ARL3: variants seen among roughly 807,000 people sequenced by gnomAD.
ARL3 encodes ARF like GTPase 3, also known as ADP-ribosylation factor-like protein 3.
A neutral mutation model predicts 26.0 loss-of-function variants in ARL3; 9 were observed. The observed-to-expected ratio is 0.35, with a 90% CI of 0.21 to 0.60. The LOEUF is 0.60. Among genes scored for constraint, ARL3 ranks in the 20% least tolerant of loss-of-function variants. The probability of loss-of-function intolerance (pLI) is 0.78; values close to 1 mark genes in which losing one functional copy is unlikely to be tolerated. For synonymous variants in ARL3, 71 were observed against 78.4 expected, an observed-to-expected ratio of 0.91 and a Z score of 0.50; for missense variants, 158 against 215.7, an observed-to-expected ratio of 0.73 and a Z score of 1.67.
intron 3 of ARL3, among the ~76,000 whole-genome samples, chr10:102,693,957 G>A (rs764444059): frequency 4.9e-4 from 75 of 152,018 alleles, no homozygotes; most frequent in Non-Finnish European, 1.0e-3. Flanking sequence ...TTACAGACAT[G>A]AGCCACCAAA....
chr10:102,687,690 A>C (rs1009483711), intron 4 of ARL3, among the ~76,000 whole-genome samples: 3 of 151,526 alleles, frequency 2.0e-5, no homozygotes, highest in African/African-American at 7.3e-5. Context: ...TCTGCCTGGA[A>C]AAAAAAAATT....
chr10:102,682,967 C>T lies in ARL3; in HGVS notation c.501+2849G>A, dbSNP rs182405259. 6.0e-4 allele frequency among the ~76,000 whole-genome samples: 91 copies of T among 152,212 alleles called. 1 individual carries two copies. Among genetic ancestry groups the T allele is most frequent in the Non-Finnish European group, 1.0e-3 (70 of 68,018 alleles). On this transcript the variant is annotated intron_variant, in intron 5 of 5. Transcript: ENST00000260746. Reference sequence around the variant, plus strand: ...TTCAGTAATTATTGCACAGTTTTCACGTTTGAAAGTGAACCTCAAACCATT... The same window carrying T: ...TTCAGTAATTATTGCACAGTTTTCATGTTTGAAAGTGAACCTCAAACCATT...
At chr10:102,699,528 T>C (rs2064266882) in intron 2 of ARL3, 39 bp from the exon 3 acceptor site, 1 of 1,232,584 alleles carries the variant, frequency 8.1e-7, no homozygotes, top group East Asian at 2.3e-5. Flanking sequence ...TATTAAACTT[T>C]GGGATCATAA....
intron 3 of ARL3, among the ~76,000 whole-genome samples, chr10:102,695,367 T>C (rs1446840575): frequency 2.0e-5 from 3 of 152,170 alleles, no homozygotes; most frequent in African/African-American, 7.2e-5. Flanking sequence ...AAGTGTTTCA[T>C]TTTGGGGGTG....
At chr10:102,692,755 C>G (rs1340879411) in intron 3 of ARL3, among the ~76,000 whole-genome samples, 1 of 152,070 alleles carries the variant, frequency 6.6e-6, no homozygotes, top group Non-Finnish European at 1.5e-5. Context: ...GTCACCCAGG[C>G]TGGAGTGCAG....
chr10:102,710,317 G>C (rs2064331326), intron 1 of ARL3, among the ~76,000 whole-genome samples: 1 of 152,198 alleles, frequency 6.6e-6, no homozygotes, highest in Non-Finnish European at 1.5e-5. Context: ...ATCAGGGTTT[G>C]CTAAATAGGG....
chr10:102,694,440 T>A (rs992977587), intron 3 of ARL3, among the ~76,000 whole-genome samples: 24 of 152,216 alleles, frequency 1.6e-4, no homozygotes, highest in Non-Finnish European at 7.3e-5. Flanking sequence ...GGGTTTTACA[T>A]TTAGGTTTAA....
intron 2 of ARL3, among the ~76,000 whole-genome samples, chr10:102,702,502 CCTATA>C (rs1268826465): frequency 2.0e-5 from 3 of 152,030 alleles, no homozygotes; most frequent in Non-Finnish European, 2.9e-5. Flanking sequence ...ATCAGAGTTA[CCTATA>C]ACACATCAAA....
At chr10:102,700,309 C>T (rs373030943) in intron 2 of ARL3, among the ~76,000 whole-genome samples, 4 of 143,916 alleles carry the variant, frequency 2.8e-5, no homozygotes, top group South Asian at 2.2e-4. Context: ...CTCAGGATGC[C>T]GAGGCAAGAG....
chr10:102,678,181 G>C (rs2064139376), intron 5 of ARL3, among the ~76,000 whole-genome samples: 1 of 152,120 alleles, frequency 6.6e-6, no homozygotes, highest in Non-Finnish European at 1.5e-5. Flanking sequence ...TCTGACCTTT[G>C]CCAAGATGAG....
chr10:102,677,813 C>T (rs2064137679), intron 5 of ARL3, among the ~76,000 whole-genome samples: 1 of 152,132 alleles, frequency 6.6e-6, no homozygotes, highest in African/African-American at 2.4e-5. Flanking sequence ...GCAGCTGCTG[C>T]CATGAGTCCT....
intron 5 of ARL3, among the ~76,000 whole-genome samples, chr10:102,677,761 G>A (rs912181999): frequency 2.0e-5 from 3 of 152,128 alleles, no homozygotes; most frequent in Admixed American, 6.5e-5. Context: ...CAACCTTCAA[G>A]AGTGTGTGGA....
chr10:102,707,038 T>C (rs2064314106), intron 1 of ARL3, among the ~76,000 whole-genome samples: 1 of 151,014 alleles, frequency 6.6e-6, no homozygotes, highest in Admixed American at 6.6e-5. Context: ...CTCACGCCTA[T>C]AATCCCAGCA....
intron 1 of ARL3, among the ~76,000 whole-genome samples, chr10:102,711,063 C>T (rs1319679518): frequency 1.3e-5 from 2 of 152,220 alleles, no homozygotes; most frequent in Non-Finnish European, 2.9e-5. Context: ...CCATAACTAG[C>T]TTAAATATAA....
intron 5 of ARL3, among the ~76,000 whole-genome samples, chr10:102,684,484 T>TA (rs2064172011): frequency 6.6e-6 from 1 of 151,996 alleles, no homozygotes; most frequent in Admixed American, 6.6e-5. Context: ...CTAAACCTTT[T>TA]AGACAGGCTC....
intron 3 of ARL3, among the ~76,000 whole-genome samples, chr10:102,697,769 G>A (rs2064257010): frequency 6.6e-6 from 1 of 152,198 alleles, no homozygotes; most frequent in Admixed American, 6.6e-5. Context: ...GGAGTAGCCA[G>A]TGAGGAGGAA....
In ARL3 at chr10:102,675,946, T is replaced by C. The variant is rs1364014380; in HGVS notation, c.*948A>G. 6.6e-6 allele frequency: 1 copy of C among 152,608 alleles called. No homozygotes were observed. The highest frequency in any genetic ancestry group is 2.4e-5 in the African/African-American group (1 of 41,442). 9.5% of individuals were successfully genotyped at this position (152,608 alleles called of 1,614,324 possible). A position where few individuals can be genotyped will look rare whatever the true frequency, so the allele number is the denominator to read the frequency against. On this transcript the variant is annotated 3_prime_UTR_variant, in exon 6 of 6. Transcript: ENST00000260746. ...ATAGCAGCGGCCTATTGTGATCGTTTAAACACAGAATTCTTTGAGCTTTAG... is the reference window on the plus strand; with the variant it reads ...ATAGCAGCGGCCTATTGTGATCGTTCAAACACAGAATTCTTTGAGCTTTAG...
At chr10:102,680,334 CCCTT>C (rs1358603979) in intron 5 of ARL3, among the ~76,000 whole-genome samples, 7 of 152,094 alleles carry the variant, frequency 4.6e-5, no homozygotes, top group Admixed American at 3.3e-4. Context: ...GAATAGTCCT[CCCTT>C]CCTTCCTTCC....
intron 3 of ARL3, among the ~76,000 whole-genome samples, chr10:102,694,089 G>A (rs541096965): frequency 2.0e-5 from 3 of 152,210 alleles, no homozygotes; most frequent in Non-Finnish European, 4.4e-5. Context: ...CCACGTTCAC[G>A]CCATTCTCCT....
Sources: allele counts gnomAD v4.1 joint callset (sites outside exome capture counted in the v4.1 genomes callset), GRCh38; gene constraint gnomAD v4.1.1; transcripts MANE v1.5; gene names NCBI Gene and HGNC (gene_info 2026-07-23, HGNC 2026-07-21).